The following EFCAB7 variants were observed in gnomAD, a reference collection of about 807,000 sequenced individuals.
EFCAB7 encodes the protein EF-hand calcium-binding domain-containing protein 7.
In EFCAB7, 66 loss-of-function variants were observed where a neutral mutation model predicts 77.1. The observed-to-expected ratio is 0.86, with a 90% CI of 0.70 to 1.05. The LOEUF (loss-of-function observed/expected upper bound fraction) is 1.05, where lower values mean the gene tolerates loss of function less well. Among genes scored for constraint, EFCAB7 ranks in the 50% least tolerant of loss-of-function variants. The pLI is 0.00. For missense variants in EFCAB7, 638 were observed against 730.5 expected (o/e 0.87, Z 1.46); for synonymous variants, 225 against 243.3 (o/e 0.92, Z 0.70).
intron 2 of EFCAB7, among the ~76,000 whole-genome samples, chr1:63,527,378 G>A (rs1468914968): frequency 6.6e-6 from 1 of 152,098 alleles, no homozygotes; most frequent in Non-Finnish European, 1.5e-5. Flanking sequence ...TTTTAAAAAG[G>A]AGTAACATGA....
At chr1:63,577,123 T>C (rs1330520132), downstream of EFCAB7, among the ~76,000 whole-genome samples, 2 of 150,328 alleles carry the variant, frequency 1.3e-5, no homozygotes, top group African/African-American at 2.5e-5. Flanking sequence ...CCAGCCTGGG[T>C]GACAGAGTAA....
chr1:63,553,521 G>C (rs181711306), intron 8 of EFCAB7, among the ~76,000 whole-genome samples: 13 of 152,038 alleles, frequency 8.6e-5, no homozygotes, highest in Non-Finnish European at 1.9e-4. Context: ...TGTATTTTTC[G>C]TAAAGACAGG....
the EFCAB7 span, among the ~76,000 whole-genome samples, chr1:63,578,602 C>T: frequency 1.3e-5 from 2 of 152,040 alleles, no homozygotes; most frequent in African/African-American, 2.4e-5. Flanking sequence ...CCACCACGCC[C>T]GGCTAATTTT....
chr1:63,538,202 T>G (rs1216163176), intron 6 of EFCAB7, among the ~76,000 whole-genome samples: 1 of 152,180 alleles, frequency 6.6e-6, no homozygotes, highest in Non-Finnish European at 1.5e-5. Context: ...CTTTATAATG[T>G]CAAAAAATTA....
At chr1:63,582,093 G>A in the EFCAB7 span, among the ~76,000 whole-genome samples, 1 of 152,204 alleles carries the variant, frequency 6.6e-6, no homozygotes, top group Non-Finnish European at 1.5e-5. Flanking sequence ...AACACTGCAT[G>A]CTGTGATGCT....
chr1:63,535,552 T>C (rs1646752781), intron 6 of EFCAB7, among the ~76,000 whole-genome samples: 1 of 152,100 alleles, frequency 6.6e-6, no homozygotes, highest in Non-Finnish European at 1.5e-5. Flanking sequence ...GAATCTTAGC[T>C]TTATCACTTA....
At chr1:63,565,367 A>C (rs149144685) in intron 11 of EFCAB7, among the ~76,000 whole-genome samples, 1,583 of 151,964 alleles carry the variant, frequency 0.01, 21 homozygotes, top group African/African-American at 0.034. Context: ...TCAAAAAAAA[A>C]AACAACAACA....
chr1:63,539,955 AG>A (rs36124538), intron 6 of EFCAB7, among the ~76,000 whole-genome samples: 27,347 of 152,102 alleles, frequency 0.18, 2,570 homozygotes, highest in Middle Eastern at 0.26. Flanking sequence ...GATTATGTTA[AG>A]GGCAATTGGG....
chr1:63,573,085 G>A (rs1422388908), downstream of EFCAB7, among the ~76,000 whole-genome samples: 1 of 152,118 alleles, frequency 6.6e-6, no homozygotes, highest in Admixed American at 6.6e-5. Flanking sequence ...CTTAGCTTGG[G>A]CTCAGAGGCC....
At chr1:63,544,729 C>G (rs1222080423) in intron 6 of EFCAB7, among the ~76,000 whole-genome samples, 7 of 151,562 alleles carry the variant, frequency 4.6e-5, no homozygotes, top group Non-Finnish European at 1.0e-4. Flanking sequence ...AACTTTTATT[C>G]AGCATGCTTC....
At chr1:63,551,880 A>T in intron 8 of EFCAB7, 46 bp downstream of exon 8, 1 of 1,240,780 alleles carries the variant, frequency 8.1e-7, no homozygotes, top group Non-Finnish European at 1.1e-6. Flanking sequence ...ATATAGTATG[A>T]ACTGCAGTTT....
At chr1:63,553,208 G>C (rs1047208798) in intron 8 of EFCAB7, among the ~76,000 whole-genome samples, 1 of 152,202 alleles carries the variant, frequency 6.6e-6, no homozygotes, top group Non-Finnish European at 1.5e-5. Context: ...TATGTGTGGA[G>C]ATAAGGAAGG....
chr1:63,560,000 G>A (rs559322268), intron 10 of EFCAB7, among the ~76,000 whole-genome samples: 18 of 151,662 alleles, frequency 1.2e-4, no homozygotes, highest in Non-Finnish European at 2.2e-4. Context: ...CTGTTGCCTA[G>A]GCTGGAGGGC....
chr1:63,527,668 G>C (rs2100862542), intron 2 of EFCAB7, among the ~76,000 whole-genome samples: 1 of 152,260 alleles, frequency 6.6e-6, no homozygotes, highest in African/African-American at 2.4e-5. Context: ...TCTAAACCTA[G>C]AGATTAAAGT....
At position 63,571,093 on chromosome 1, in the gene EFCAB7, A is replaced by G. The variant is rs199608136; in HGVS notation, c.1780A>G (p.Ile594Val). The change falls in exon 13 of 14, where the codon ATA becomes GTA. Residue 594 changes from isoleucine (I) to valine (V), a missense_variant. By Grantham distance (29) the Ile-to-Val change is conservative. Transcript: ENST00000371088. ...CTGCATAAACAACAGAGGACTCAAC[A>G]TATTTGCAGTAGAAGTGGGACCCAA... ...KNCINNRGLN[I>V]FAVEVGPKST... is the part of the protein sequence containing the mutation. 307 of 1,611,534 alleles carry G rather than the reference A, an allele frequency of 1.9e-4. 1 individual carries two copies. Among genetic ancestry groups the G allele is most frequent in the Non-Finnish European group, 1.2e-4 (140 of 1,178,834 alleles).
chr1:63,551,848 T>C lies in EFCAB7; in HGVS notation c.1056+14T>C. On this transcript the variant is annotated intron_variant, in intron 8 of 13. Transcript: ENST00000371088. ...CGAAATAGAGAAGTATACATATTTA[T>C]TTTCTAATGTTTAATTTTTAAATAT... 1.4e-6 allele frequency: 2 copies of C among 1,471,720 alleles called. No homozygotes were observed. Among genetic ancestry groups the C allele is most frequent in the Non-Finnish European group, 1.8e-6 (2 of 1,092,728 alleles). 91.2% of individuals were successfully genotyped at this position (1,471,720 alleles called of 1,614,324 possible). A position where few individuals can be genotyped will look rare whatever the true frequency, so the allele number is the denominator to read the frequency against.
chr1:63,562,651 C>T (rs1363095691), intron 11 of EFCAB7, among the ~76,000 whole-genome samples: 1 of 149,286 alleles, frequency 6.7e-6, no homozygotes, highest in Non-Finnish European at 1.5e-5. Context: ...AGGTGCATGC[C>T]CCCACGCCCA....
chr1:63,542,464 A>G (rs1246631443), intron 6 of EFCAB7, among the ~76,000 whole-genome samples: 1 of 152,140 alleles, frequency 6.6e-6, no homozygotes, highest in Non-Finnish European at 1.5e-5. Context: ...CTGGTTCTAT[A>G]CCTAGAAGCT....
chr1:63,555,207 A>C, intron 8 of EFCAB7, 151 bp from the exon 9 acceptor site: 1 of 832,164 alleles, frequency 1.2e-6, no homozygotes, highest in Non-Finnish European at 1.7e-6. Context: ...GAAACCTGTA[A>C]AAAGACTGAT....
Sources: allele counts gnomAD v4.1 joint callset (sites outside exome capture counted in the v4.1 genomes callset), GRCh38; gene constraint gnomAD v4.1.1; transcripts MANE v1.5; gene names NCBI Gene and HGNC (gene_info 2026-07-23, HGNC 2026-07-21).